Variants in SSPN observed in about 807,000 individuals in gnomAD.
The protein encoded by SSPN is K-ras oncogene-associated protein.
SSPN carries 15 observed loss-of-function variants against 19.1 expected under a neutral mutation model. That is an observed-to-expected ratio of 0.78 (90% CI 0.52 to 1.21). The LOEUF is 1.21. SSPN is among the 50% of genes most tolerant of loss of function. SSPN has a pLI of 0.00. For synonymous variants in SSPN, 147 were observed against 140.3 expected, an observed-to-expected ratio of 1.05 and a Z score of -0.34; for missense variants, 291 against 314.0, an observed-to-expected ratio of 0.93 and a Z score of 0.55.
chr12:26,192,682 TAGACCACCAAAG>T (rs1565682892), upstream of SSPN, among the ~76,000 whole-genome samples: 4 of 152,224 alleles, frequency 2.6e-5, no homozygotes, highest in African/African-American at 9.7e-5. Flanking sequence ...TGAGTTTCCC[TAGACCACCAAAG>T]GCTGAAAATT....
rs550069444 is a variant in SSPN, at chr12:26,233,355, TACACACACACACAC to T, written c.*2283_*2296del. 2 of 146,526 alleles carry T rather than the reference TACACACACACACAC, an allele frequency of 1.4e-5. No individual in the cohort carries two copies. The highest frequency in any genetic ancestry group is 5.3e-5 in the African/African-American group (2 of 37,884). The allele number at this position is 146,526 out of a possible 1,614,324, so 9.1% of individuals were successfully genotyped here. A position where few individuals can be genotyped will look rare whatever the true frequency, so the allele number is the denominator to read the frequency against. Reference sequence around the variant, plus strand: ...AGATATATATATATATATATACACATACACACACACACACACATATATACTATACATATATAAAA... The same window carrying T: ...AGATATATATATATATATATACACATACATATATACTATACATATATAAAA... On this transcript the variant is annotated 3_prime_UTR_variant, in exon 3 of 3. Coordinates refer to ENST00000242729, the MANE Select transcript of SSPN (RefSeq NM_005086.5). This position sits in a 1 kb window ranked among gnomAD's most constrained non-coding sequence, Gnocchi z 4.3.
At chr12:26,196,771 A>G (rs59631457) in intron 1 of SSPN, among the ~76,000 whole-genome samples, 17,645 of 152,184 alleles carry the variant, frequency 0.12, 1,254 homozygotes, top group Non-Finnish European at 0.17. Context: ...CGTTTTAATC[A>G]TTCTCACTTC....
intron 1 of SSPN, among the ~76,000 whole-genome samples, chr12:26,176,875 T>G (rs376844344): frequency 1.3e-5 from 2 of 152,218 alleles, no homozygotes; most frequent in African/African-American, 4.8e-5. Context: ...CTCCGTTCTC[T>G]TCCTCCATCA....
At chr12:26,196,905 C>T (rs1234193454) in intron 1 of SSPN, among the ~76,000 whole-genome samples, 1 of 152,234 alleles carries the variant, frequency 6.6e-6, no homozygotes, top group Non-Finnish European at 1.5e-5. Context: ...ACTGCCACCA[C>T]ATTTGGTTTG....
At chr12:26,198,855 GT>G (rs1373579117) in intron 1 of SSPN, among the ~76,000 whole-genome samples, 1 of 152,128 alleles carries the variant, frequency 6.6e-6, no homozygotes. Flanking sequence ...TTCAGGGCTG[GT>G]ATATCCTGCC....
rs772248115 is a variant in SSPN, at chr12:26,124,746, G to C, written c.-31+2594G>C. On this transcript the variant is annotated intron_variant, in intron 1 of 2. Transcript: ENST00000538142. ...ATAAAATCTCTATGTTCCAGTAACT[G>C]TCTCTCTTGCAAATGAGGAATTCCT... 101 of 1,614,098 alleles carry C rather than the reference G, an allele frequency of 6.3e-5. No individual in the cohort carries two copies. Among genetic ancestry groups the C allele is most frequent in the Non-Finnish European group, 8.2e-5 (97 of 1,180,044 alleles).
At chr12:26,173,034 G>A (rs1333804788) in intron 1 of SSPN, among the ~76,000 whole-genome samples, 1 of 152,142 alleles carries the variant, frequency 6.6e-6, no homozygotes, top group African/African-American at 2.4e-5. Flanking sequence ...TTCCCTTTGA[G>A]GGCTCTTTGT....
intron 1 of SSPN, among the ~76,000 whole-genome samples, chr12:26,142,177 G>T (rs535022401): frequency 5.9e-5 from 9 of 152,310 alleles, no homozygotes; most frequent in African/African-American, 2.2e-4. Context: ...GACTTACCAA[G>T]AAATGTTTGA....
At chr12:26,178,970 A>G (rs1944701711) in intron 1 of SSPN, among the ~76,000 whole-genome samples, 1 of 152,212 alleles carries the variant, frequency 6.6e-6, no homozygotes, top group African/African-American at 2.4e-5. Flanking sequence ...AACAGAGCTC[A>G]GCACCCCACA....
chr12:26,207,511 G>C (rs930972201), intron 1 of SSPN, among the ~76,000 whole-genome samples: 19 of 151,850 alleles, frequency 1.3e-4, no homozygotes, highest in African/African-American at 4.1e-4. Context: ...TCCTGAATTT[G>C]GTATTTTTTA....
chr12:26,216,362 TAA>T (rs1317930443), intron 1 of SSPN, among the ~76,000 whole-genome samples: 23 of 152,196 alleles, frequency 1.5e-4, no homozygotes, highest in African/African-American at 4.6e-4. Context: ...TTTGGCTGCA[TAA>T]ATGTCTTCTT....
At chr12:26,201,048 A>ATATATATATATATATAT (rs1944880110) in intron 1 of SSPN, among the ~76,000 whole-genome samples, 6 of 68,362 alleles carry the variant, frequency 8.8e-5, no homozygotes, top group African/African-American at 2.6e-4. Flanking sequence ...TATATATATT[A>ATATATATATATATATAT]TATATATATA....
chr12:26,133,666 G>A (rs1944408852), intron 1 of SSPN, among the ~76,000 whole-genome samples: 1 of 152,208 alleles, frequency 6.6e-6, no homozygotes, highest in Admixed American at 6.5e-5. Flanking sequence ...CCTGCCATGT[G>A]GAAGAGGCTG....
intron 1 of SSPN, among the ~76,000 whole-genome samples, chr12:26,148,806 T>G (rs971278890): frequency 2.6e-5 from 4 of 152,170 alleles, no homozygotes; most frequent in African/African-American, 9.6e-5. Flanking sequence ...TTACGAGAAT[T>G]ACAGTGGACA....
intron 1 of SSPN, among the ~76,000 whole-genome samples, chr12:26,221,256 A>G (rs1441079600): frequency 2.0e-5 from 3 of 152,166 alleles, no homozygotes; most frequent in African/African-American, 7.2e-5. Context: ...CACTTTCTGC[A>G]TATCCTCAAA....
chr12:26,226,976 A>G (rs1945183190), intron 2 of SSPN, among the ~76,000 whole-genome samples: 1 of 152,044 alleles, frequency 6.6e-6, no homozygotes, highest in Non-Finnish European at 1.5e-5. Flanking sequence ...CTGCTGTTAC[A>G]TAAGCGCCCG....
chr12:26,219,018 T>C (rs958314760), intron 1 of SSPN, among the ~76,000 whole-genome samples: 3 of 152,184 alleles, frequency 2.0e-5, no homozygotes, highest in Non-Finnish European at 4.4e-5. Context: ...GCACTTTAAA[T>C]ACAAAGGTGA....
chr12:26,164,019 C>T (rs1414027250), intron 1 of SSPN, among the ~76,000 whole-genome samples: 1 of 152,150 alleles, frequency 6.6e-6, no homozygotes, highest in Non-Finnish European at 1.5e-5. Context: ...AGAAATAAAA[C>T]TCAGAAGTAG....
At chr12:26,160,670 C>T (rs1305735329) in intron 1 of SSPN, among the ~76,000 whole-genome samples, 1 of 152,194 alleles carries the variant, frequency 6.6e-6, no homozygotes, top group African/African-American at 2.4e-5. Context: ...CCTGCTATCA[C>T]CCTAGTCTCC....
Sources: gnomAD v4.1 joint callset for allele counts (sites outside exome capture counted in the v4.1 genomes callset) on GRCh38, gnomAD v4.1.1 for gene constraint, Gnocchi (gnomAD v3.1) non-coding constraint, MANE v1.5 for transcripts, NCBI Gene and HGNC (gene_info 2026-07-23, HGNC 2026-07-21) for gene names.